RAB27B: variants seen among roughly 807,000 people sequenced by gnomAD.
The protein encoded by RAB27B is RAB27B, member RAS oncogene family.
A neutral mutation model predicts 24.6 loss-of-function variants in RAB27B; 15 were observed. The observed-to-expected ratio is 0.61, with a 90% CI of 0.41 to 0.94. The LOEUF (loss-of-function observed/expected upper bound fraction) is 0.94, where lower values mean the gene tolerates loss of function less well. Ranked by LOEUF, RAB27B falls within the 40% of genes least tolerant of loss-of-function variation. RAB27B has a pLI of 0.00. For missense variants in RAB27B, 261 were observed against 266.8 expected, an observed-to-expected ratio of 0.98 and a Z score of 0.15; for synonymous variants, 105 against 92.5, an observed-to-expected ratio of 1.14 and a Z score of -0.78.
intron 2 of RAB27B, among the ~76,000 whole-genome samples, chr18:54,781,944 C>T (rs902191265): frequency 1.3e-5 from 2 of 152,186 alleles, no homozygotes; most frequent in African/African-American, 2.4e-5. Context: ...CAATCCTGTA[C>T]AATAATGTGC....
chr18:54,765,467 T>C (rs186511169), intron 2 of RAB27B, among the ~76,000 whole-genome samples: 101 of 152,328 alleles, frequency 6.6e-4, no homozygotes, highest in Non-Finnish European at 1.1e-3. Flanking sequence ...CAAATATGCA[T>C]TGGTCAACCT....
chr18:54,779,531 C>T (rs889635751), intron 2 of RAB27B, among the ~76,000 whole-genome samples: 2 of 152,114 alleles, frequency 1.3e-5, no homozygotes, highest in African/African-American at 2.4e-5. Flanking sequence ...GTTACTAGGA[C>T]ATGACCAAAC....
chr18:54,774,896 T>C lies in RAB27B; in HGVS notation c.-20+56755T>C, dbSNP rs532750788. Among the ~76,000 whole-genome samples, 3 of 152,342 alleles carry C rather than the reference T, an allele frequency of 2.0e-5. No individual in the cohort carries two copies. The South Asian group carries it at 6.2e-4, about 32-fold the overall frequency. On this transcript the variant is annotated intron_variant, in intron 2 of 4. Transcript: ENST00000586570. ...CTCACGGGATCAGAGGCTGCTTGTG[T>C]TTTGTTCACTGCTGCATCCCCTGAG...
At chr18:54,804,896 T>TTCTTTCTC (rs1555658005) in intron 2 of RAB27B, among the ~76,000 whole-genome samples, 232 of 18,214 alleles carry the variant, frequency 0.013, 3 homozygotes, top group East Asian at 0.033. Context: ...TTCTTTCTCT[T>TTCTTTCTC]TCTCTCTCTC....
At chr18:54,804,460 TG>T (rs1197774004) in intron 2 of RAB27B, among the ~76,000 whole-genome samples, 2 of 152,202 alleles carry the variant, frequency 1.3e-5, no homozygotes, top group Non-Finnish European at 2.9e-5. Context: ...AAGTGCCTTT[TG>T]CCTCCTGCCA....
chr18:54,865,538 A>G (rs1315729537), intron 1 of RAB27B, among the ~76,000 whole-genome samples: 1 of 152,192 alleles, frequency 6.6e-6, no homozygotes, highest in Non-Finnish European at 1.5e-5. Context: ...CTTTTGGCTT[A>G]ATAAGCTGTA....
At chr18:54,840,555 C>A (rs1911067548) in intron 1 of RAB27B, among the ~76,000 whole-genome samples, 1 of 152,158 alleles carries the variant, frequency 6.6e-6, no homozygotes, top group Non-Finnish European at 1.5e-5. Flanking sequence ...GTGCTATGAC[C>A]TGGAATTTCT....
At chr18:54,736,155 G>C (rs920654389) in intron 2 of RAB27B, among the ~76,000 whole-genome samples, 2 of 152,182 alleles carry the variant, frequency 1.3e-5, no homozygotes, top group African/African-American at 4.8e-5. Context: ...GTCAAAATGG[G>C]AAGATGTGAG....
At chr18:54,757,227 A>T (rs994108077) in intron 2 of RAB27B, among the ~76,000 whole-genome samples, 2 of 152,312 alleles carry the variant, frequency 1.3e-5, no homozygotes, top group South Asian at 4.1e-4. Flanking sequence ...AGAGTCAGAC[A>T]GAATAGGGGA....
intron 2 of RAB27B, among the ~76,000 whole-genome samples, chr18:54,744,245 T>C (rs1452088516): frequency 6.6e-6 from 1 of 152,218 alleles, no homozygotes; most frequent in African/African-American, 2.4e-5. Context: ...CTACCTTTCC[T>C]GTCTCATTTT....
At chr18:54,819,531 C>CAAAAAAAAAAAAAA (rs33940922) in intron 2 of RAB27B, among the ~76,000 whole-genome samples, 1 of 65,178 alleles carries the variant, frequency 1.5e-5, no homozygotes, top group Non-Finnish European at 3.0e-5. Context: ...GACTCCATCT[C>CAAAAAAAAAAAAAA]AAAAAAAAAA....
intron 3 of RAB27B, 125 bp downstream of exon 3, chr18:54,879,579 T>G (rs939567523): frequency 2.6e-6 from 2 of 770,048 alleles, no homozygotes; most frequent in Non-Finnish European, 4.4e-6. Context: ...AAAATAGACA[T>G]TTGTATCCAG....
chr18:54,775,483 A>G (rs1350008610), intron 2 of RAB27B, among the ~76,000 whole-genome samples: 1 of 152,102 alleles, frequency 6.6e-6, no homozygotes, highest in African/African-American at 2.4e-5. Flanking sequence ...TCATTTCATC[A>G]TGCGGAAACT....
chr18:54,748,874 A>C lies in RAB27B; in HGVS notation c.-20+30733A>C, dbSNP rs140624953. On this transcript the variant is annotated intron_variant, in intron 2 of 4. Coordinates refer to the RAB27B transcript ENST00000586570. ...AAGAGGAACTAAATGGTTGAGGTTC[A>C]CATATGCTCTTCATAGAAGAAAGGT... Among the ~76,000 whole-genome samples the C allele has an allele frequency of 5.3e-3, 805 of 152,368 alleles. 9 individuals are homozygous for C. The highest frequency in any genetic ancestry group is 0.017 in the African/African-American group (700 of 41,598).
chr18:54,743,557 C>T (rs752776919), intron 2 of RAB27B, among the ~76,000 whole-genome samples: 1 of 152,152 alleles, frequency 6.6e-6, no homozygotes, highest in Non-Finnish European at 1.5e-5. Context: ...ATGAGCCATT[C>T]AGACAATAAA....
chr18:54,727,919 C>T (rs748282975), intron 2 of RAB27B, among the ~76,000 whole-genome samples: 2 of 151,986 alleles, frequency 1.3e-5, no homozygotes, highest in East Asian at 1.9e-4. Flanking sequence ...AACAGCTAGC[C>T]GGATGAGATA....
At chr18:54,875,058 C>T (rs936870502) in intron 1 of RAB27B, among the ~76,000 whole-genome samples, 1 of 152,092 alleles carries the variant, frequency 6.6e-6, no homozygotes, top group African/African-American at 2.4e-5. Context: ...CGTGGTGGCT[C>T]ATGTCTGTAA....
intron 2 of RAB27B, among the ~76,000 whole-genome samples, chr18:54,724,907 A>G (rs1246349745): frequency 6.6e-6 from 1 of 151,602 alleles, no homozygotes; most frequent in East Asian, 1.9e-4. Flanking sequence ...AGTAAACTTG[A>G]TTCTTACTTA....
chr18:54,875,073 A>C (rs1912639266), intron 1 of RAB27B, among the ~76,000 whole-genome samples: 1 of 152,190 alleles, frequency 6.6e-6, no homozygotes, highest in Non-Finnish European at 1.5e-5. Flanking sequence ...CTGTAATCCC[A>C]GCACTTTCGG....
Sources: allele counts gnomAD v4.1 joint callset (sites outside exome capture counted in the v4.1 genomes callset), GRCh38; gene constraint gnomAD v4.1.1; transcripts MANE v1.5; gene names NCBI Gene and HGNC (gene_info 2026-07-23, HGNC 2026-07-21).